Variants in DMXL2 observed in about 807,000 individuals in gnomAD.
The protein encoded by DMXL2 is Dmx like 2.
A neutral mutation model predicts 331.1 loss-of-function variants in DMXL2; 103 were observed. That is an observed-to-expected ratio of 0.31 (90% confidence interval 0.27 to 0.37). The LOEUF is 0.37. DMXL2 is among the 10% of genes least tolerant of loss of function. The probability of loss-of-function intolerance (pLI) is 1.00; values close to 1 mark genes in which losing one functional copy is unlikely to be tolerated. For synonymous variants in DMXL2, 1,281 were observed against 1,252.1 expected, an observed-to-expected ratio of 1.02 and a Z score of -0.49; for missense variants, 3,171 against 3,642.9, an observed-to-expected ratio of 0.87 and a Z score of 3.33.
intron 36 of DMXL2, 28 bp from the exon 37 acceptor site, chr15:51,457,494 G>T: frequency 6.2e-7 from 1 of 1,609,140 alleles, no homozygotes; most frequent in South Asian, 1.1e-5. Context: ...GTGTTACTGT[G>T]AACATTCCCT....
At chr15:51,519,633 CTT>C (rs375498592) in intron 13 of DMXL2, among the ~76,000 whole-genome samples, 5 of 118,318 alleles carry the variant, frequency 4.2e-5, no homozygotes, top group African/African-American at 1.3e-4. Flanking sequence ...GACAAAGTCT[CTT>C]GTTTTTTTTT....
intron 29 of DMXL2, among the ~76,000 whole-genome samples, chr15:51,469,592 C>T (rs1171560442): frequency 6.6e-6 from 1 of 152,140 alleles, no homozygotes; most frequent in East Asian, 1.9e-4. Flanking sequence ...TATTTCCCTT[C>T]TTTATAATAT....
At chr15:51,606,236 T>A (rs1291059337) in intron 1 of DMXL2, among the ~76,000 whole-genome samples, 1 of 152,096 alleles carries the variant, frequency 6.6e-6, no homozygotes, top group Admixed American at 6.5e-5. Context: ...GATGGGAGTT[T>A]TGTTCTTGTC....
chr15:51,450,364 CAG>C lies in DMXL2; in HGVS notation c.8750-20_8750-19del. On this transcript the variant is annotated intron_variant, in intron 42 of 43. Transcript: ENST00000560891. Reference sequence around the variant, plus strand: ...CGTGAAACCTGAAGAAGAAAAACATCAGAGAATTTCTCAAAACAATTTCTTGT... The same window carrying C: ...CGTGAAACCTGAAGAAGAAAAACATCAGAATTTCTCAAAACAATTTCTTGT... The C allele has an allele frequency of 6.2e-7, 1 of 1,611,458 alleles. No homozygotes were observed. Among genetic ancestry groups the C allele is most frequent in the African/African-American group, 1.3e-5 (1 of 74,966 alleles).
At chr15:51,495,437 T>G (rs1368104520) in intron 18 of DMXL2, among the ~76,000 whole-genome samples, 2 of 152,182 alleles carry the variant, frequency 1.3e-5, no homozygotes, top group Non-Finnish European at 2.9e-5. Context: ...ATAAAAAATA[T>G]ATTAACTATG....
At chr15:51,557,591 AAAC>A (rs781162227) in intron 6 of DMXL2, among the ~76,000 whole-genome samples, 5 of 152,200 alleles carry the variant, frequency 3.3e-5, no homozygotes, top group Non-Finnish European at 5.9e-5. Flanking sequence ...TAAAAAAGAA[AAAC>A]AAGAGGGGAG....
chr15:51,452,356 C>G (rs566210973), intron 41 of DMXL2, among the ~76,000 whole-genome samples: 240 of 152,096 alleles, frequency 1.6e-3, no homozygotes, highest in African/African-American at 5.5e-3. Context: ...GGAGAAAATA[C>G]AATGTATATA....
intron 1 of DMXL2, among the ~76,000 whole-genome samples, chr15:51,588,037 T>C (rs1240997011): frequency 1.3e-5 from 2 of 152,198 alleles, no homozygotes; most frequent in African/African-American, 2.4e-5. Flanking sequence ...TCTTGTAAAT[T>C]TGTTTGAGTT....
intron 1 of DMXL2, among the ~76,000 whole-genome samples, chr15:51,582,105 A>T (rs1298578881): frequency 6.6e-6 from 1 of 152,196 alleles, no homozygotes; most frequent in Non-Finnish European, 1.5e-5. Context: ...AGAAGGAGGT[A>T]CCATTTATTA....
chr15:51,612,890 C>A (rs965070100), intron 1 of DMXL2, among the ~76,000 whole-genome samples: 3 of 152,192 alleles, frequency 2.0e-5, no homozygotes, highest in African/African-American at 4.8e-5. Flanking sequence ...AGACAGCCAG[C>A]CCCAAAGCAG....
intron 20 of DMXL2, among the ~76,000 whole-genome samples, chr15:51,491,189 C>T (rs987551887): frequency 1.1e-4 from 17 of 152,108 alleles, no homozygotes; most frequent in African/African-American, 4.1e-4. Context: ...GCCTGTAATC[C>T]CAGCCATTTG....
At chr15:51,477,831 T>C (rs150808816) in intron 26 of DMXL2, among the ~76,000 whole-genome samples, 5 of 152,180 alleles carry the variant, frequency 3.3e-5, no homozygotes, top group Non-Finnish European at 7.4e-5. Context: ...CATATGTAAA[T>C]GGGTAGGTAA....
At chr15:51,479,850 C>T in intron 25 of DMXL2, 98 bp downstream of exon 25, 1 of 907,252 alleles carries the variant, frequency 1.1e-6, no homozygotes, top group Non-Finnish European at 1.5e-6. Flanking sequence ...AAAGGTAGCA[C>T]TTTGAAATAT....
rs2140877001 is a variant in DMXL2, at chr15:51,536,114, AAAT to A, written c.2314+49_2314+51del. ...AAATATAAACCATTTCGTATATAAC[AAAT>A]AATAGTTTAAAAGCTTGTGTTAATT... On this transcript the variant is annotated intron_variant, in intron 12 of 43. Coordinates refer to ENST00000560891, the MANE Select transcript of DMXL2 (RefSeq NM_001378457.1). 4 of 1,427,018 alleles carry A rather than the reference AAAT, an allele frequency of 2.8e-6. No homozygotes were observed. In the South Asian group the frequency reaches 5.7e-5, roughly 20 times the overall value. The allele number at this position is 1,427,018 out of a possible 1,614,324, so 88.4% of individuals were successfully genotyped here.
intron 1 of DMXL2, among the ~76,000 whole-genome samples, chr15:51,610,267 A>G (rs2053870960): frequency 6.6e-6 from 1 of 152,226 alleles, no homozygotes; most frequent in African/African-American, 2.4e-5. Flanking sequence ...AAGCACAAAT[A>G]AATAAAACAA....
intron 10 of DMXL2, 75 bp downstream of exon 10, chr15:51,538,137 GA>G: frequency 6.7e-7 from 1 of 1,497,634 alleles, no homozygotes; most frequent in Non-Finnish European, 9.0e-7. Context: ...CGGGAAGGAA[GA>G]ATTCAAAACT....
chr15:51,582,973 A>T (rs976035657), intron 1 of DMXL2, among the ~76,000 whole-genome samples: 1 of 151,942 alleles, frequency 6.6e-6, no homozygotes, highest in Admixed American at 6.6e-5. Context: ...ATATAAAAGT[A>T]TATCTTTTAT....
chr15:51,502,140 G>A (rs1436937982), intron 17 of DMXL2, among the ~76,000 whole-genome samples: 1 of 150,310 alleles, frequency 6.7e-6, no homozygotes, highest in African/African-American at 2.5e-5. Context: ...GCTGAGGCAG[G>A]AGAATGGGTG....
At chr15:51,606,096 G>T (rs965402843) in intron 1 of DMXL2, among the ~76,000 whole-genome samples, 3 of 152,142 alleles carry the variant, frequency 2.0e-5, no homozygotes, top group Non-Finnish European at 2.9e-5. Flanking sequence ...CAAAAGATGG[G>T]ACTCCAATAA....
Sources: allele counts gnomAD v4.1 joint callset (sites outside exome capture counted in the v4.1 genomes callset), GRCh38; gene constraint gnomAD v4.1.1; transcripts MANE v1.5; gene names NCBI Gene and HGNC (gene_info 2026-07-23, HGNC 2026-07-21).